The following XKRX variants were observed in gnomAD, a reference collection of about 807,000 sequenced individuals.
XKRX encodes XK related X-linked.
A neutral mutation model predicts 22.4 loss-of-function variants in XKRX; 11 were observed. The observed-to-expected ratio is 0.49, with a 90% CI of 0.31 to 0.81. The LOEUF (loss-of-function observed/expected upper bound fraction) is 0.81, where lower values mean the gene tolerates loss of function less well. Among genes scored for constraint, XKRX ranks in the 40% least tolerant of loss-of-function variants. XKRX has a pLI of 0.05. For missense variants in XKRX, 320 were observed against 336.5 expected, an observed-to-expected ratio of 0.95 and a Z score of 0.38; for synonymous variants, 114 against 132.2, an observed-to-expected ratio of 0.86 and a Z score of 0.94.
the XKRX span, chrX:100,957,071 T>A: frequency 2.6e-6 from 3 of 1,143,946 alleles, no homozygotes; most frequent in Non-Finnish European, 3.6e-6. Flanking sequence ...CTGAGCCTGG[T>A]AAGAAGGTGT....
chrX:100,888,919 G>C, the XKRX span, among the ~76,000 whole-genome samples: 1 of 110,787 alleles, frequency 9.0e-6, no homozygotes, highest in South Asian at 3.9e-4. Flanking sequence ...ATAACCTCTA[G>C]TGCCCTAGAA....
Position 100,917,722 on chromosome X carries a change from G to GAAAGAAAGAAAGAAAGAAAGAAATAAAT in XKRX, c.605-2640_605-2639insATTTATTTCTTTCTTTCTTTCTTTCTTT, listed in dbSNP as rs772047288. Among the ~76,000 whole-genome samples, 38 of 75,013 alleles carry GAAAGAAAGAAAGAAAGAAAGAAATAAAT rather than the reference G, an allele frequency of 5.1e-4. 1 individual carries two copies. Among genetic ancestry groups the GAAAGAAAGAAAGAAAGAAAGAAATAAAT allele is most frequent in the Admixed American group, 1.1e-3 (7 of 6,207 alleles). The allele number at this position is 75,013 out of a possible 115,157, so 65.1% of individuals were successfully genotyped here. A position where few individuals can be genotyped will look rare whatever the true frequency, so the allele number is the denominator to read the frequency against. On this transcript the variant is annotated intron_variant, in intron 2 of 2. Transcript: ENST00000372956. Reference sequence around the variant, plus strand: ...AGAAAGAAAGAAAGAAAGAAAGAAAGAAATCCTTGGTTCAGCTGTATGGGA... The same window carrying GAAAGAAAGAAAGAAAGAAAGAAATAAAT: ...AGAAAGAAAGAAAGAAAGAAAGAAAGAAAGAAAGAAAGAAAGAAAGAAATAAATAAATCCTTGGTTCAGCTGTATGGGA...
chrX:100,916,108 C>CGT (rs1556191234), intron 2 of XKRX, among the ~76,000 whole-genome samples: 1 of 106,911 alleles, frequency 9.4e-6, no homozygotes, highest in Non-Finnish European at 1.9e-5. Context: ...CACACACACA[C>CGT]ACGTACAAAA....
rs913372552 is a variant in XKRX, at chrX:100,928,619, AG to A, written c.-316del. The A allele has an allele frequency of 4.6e-6, 4 of 868,960 alleles. No homozygotes were observed. The African/African-American group carries it at 8.5e-5, about 18-fold the overall frequency. The allele number at this position is 868,960 out of a possible 1,213,427, so 71.6% of individuals were successfully genotyped here. A position where few individuals can be genotyped will look rare whatever the true frequency, so the allele number is the denominator to read the frequency against. ...GCAAGCATCCCAGCGCCCCATCCAG[AG>A]TCCAACTCCAGGGACGTGAAGAGTC... is the stretch of plus-strand genomic sequence containing the variant. On this transcript the variant is annotated 5_prime_UTR_variant, in exon 1 of 3. The change abolishes the stop of an existing upstream ORF in the 5' untranslated region. Transcript: ENST00000372956.
At chrX:100,917,634 G>GAAGA (rs745405207) in intron 2 of XKRX, among the ~76,000 whole-genome samples, 1,174 of 48,995 alleles carry the variant, frequency 0.024, 53 homozygotes, top group East Asian at 0.078. Flanking sequence ...GAGAAAGAAA[G>GAAGA]AAGAAAGAAA....
the XKRX span, among the ~76,000 whole-genome samples, chrX:100,891,013 CCTTT>C: frequency 9.0e-6 from 1 of 111,713 alleles, no homozygotes; most frequent in Non-Finnish European, 1.9e-5. Context: ...AAAAATTAAA[CCTTT>C]ATTTTTATTC....
chrX:100,915,688 CTGTGTGTG>C (rs749763658), intron 2 of XKRX, among the ~76,000 whole-genome samples: 1 of 102,438 alleles, frequency 9.8e-6, no homozygotes, highest in South Asian at 4.5e-4. Flanking sequence ...GTGGGTGTGT[CTGTGTGTG>C]TGTGTGTGTG....
downstream of XKRX, chrX:100,910,877 G>A (rs2085404734): frequency 1.4e-6 from 1 of 701,713 alleles, no homozygotes; most frequent in Admixed American, 2.6e-5. Context: ...GTGCCATGCT[G>A]AGAAAATACA....
intron 1 of XKRX, among the ~76,000 whole-genome samples, 185 bp downstream of exon 1, chrX:100,927,785 G>A (rs961449982): frequency 1.8e-5 from 2 of 112,059 alleles, no homozygotes; most frequent in East Asian, 2.8e-4. Context: ...CATACCACAT[G>A]TTCATCATGG....
chrX:100,927,334 C>T (rs971045085), intron 1 of XKRX, among the ~76,000 whole-genome samples: 3 of 110,890 alleles, frequency 2.7e-5, no homozygotes, highest in Non-Finnish European at 5.7e-5. Context: ...TATGCGCCAC[C>T]ACACCCAGCT....
the XKRX span, among the ~76,000 whole-genome samples, chrX:100,947,617 A>G: frequency 8.9e-6 from 1 of 112,183 alleles, no homozygotes; most frequent in Non-Finnish European, 1.9e-5. Flanking sequence ...GGAAAACCCT[A>G]GCTCTCTGAG....
rs765784172 is a variant in XKRX at position 100,922,901 on chromosome X, T to C, written c.496A>G (p.Asn166Asp). 2.5e-6 allele frequency: 3 copies of C among 1,211,503 alleles called. No homozygotes were observed. Among genetic ancestry groups the C allele is most frequent in the East Asian group, 3.0e-5 (1 of 33,817 alleles). ...HSIRTLAMHR[N>D]AYKRMSQIQA... ...ATCTGTGACATACGTTTGTAGGCAT[T>C]GCGGTGCATAGCCAGGGTCCGGATG... The change falls in exon 2 of 3, where the codon AAT (asparagine) becomes GAT (aspartate). Residue 166 changes from asparagine (N) to aspartate (D), a missense_variant. Coordinates refer to ENST00000372956, the MANE Select transcript of XKRX (RefSeq NM_212559.3).
chrX:100,955,409 A>G, the XKRX span, among the ~76,000 whole-genome samples: 1 of 112,253 alleles, frequency 8.9e-6, no homozygotes, highest in Non-Finnish European at 1.9e-5. Context: ...TCAGTGGCTG[A>G]TGCCTGTACT....
rs771526109 is a variant in XKRX at position 100,914,542 on chromosome X, C to A, written c.1146G>T (p.Leu382Phe). 1.7e-6 allele frequency: 2 copies of A among 1,211,834 alleles called. No individual in the cohort carries two copies. Among genetic ancestry groups the A allele is most frequent in the Middle Eastern group, 2.3e-4 (1 of 4,354 alleles). The change falls in exon 3 of 3, where the codon TTG becomes TTT. Residue 382 changes from leucine (L) to phenylalanine (F), a missense_variant. Coordinates refer to ENST00000372956, the MANE Select transcript of XKRX (RefSeq NM_212559.3). Reference protein sequence around the residue: ...VKVLLNYCHSLIALQLIIAYL... With the variant: ...VKVLLNYCHSFIALQLIIAYL... ...AAGCAATAATGAGCTGCAAGGCAAT[C>A]AAGGAATGACAGTAATTCAGTAACA... is the stretch of plus-strand genomic sequence containing the variant.
chrX:100,927,474 T>C (rs1396900635), intron 1 of XKRX, among the ~76,000 whole-genome samples: 1 of 111,038 alleles, frequency 9.0e-6, no homozygotes, highest in Non-Finnish European at 1.9e-5. Flanking sequence ...ACCCGGCCTA[T>C]AAAAATTTTT....
downstream of XKRX, among the ~76,000 whole-genome samples, chrX:100,912,835 A>T (rs2085411319): frequency 8.9e-6 from 1 of 111,893 alleles, no homozygotes. Flanking sequence ...GGAGAAAAGG[A>T]GACATGCATT....
Position 100,914,863 on chromosome X carries a change from G to A in XKRX, c.825C>T (p.Leu275=). Residue 275 remains leucine (L), a synonymous_variant, in exon 3 of 3, where the codon CTC becomes CTT. Coordinates refer to ENST00000372956, the MANE Select transcript of XKRX (RefSeq NM_212559.3). ...GCTCAAAGAGGATGATCAGGAAGTTGAGCACTAGGAAGGGCACAGCCTTCA... is the reference window on the plus strand; with the variant it reads ...GCTCAAAGAGGATGATCAGGAAGTTAAGCACTAGGAAGGGCACAGCCTTCA... ...LKLKAVPFLV[L]NFLIILFEPW... is the part of the protein sequence containing the mutation. 8.3e-7 allele frequency: 1 copy of A among 1,211,796 alleles called. No individual in the cohort carries two copies. The highest frequency in any genetic ancestry group is 1.1e-6 in the Non-Finnish European group (1 of 895,580).
chrX:100,922,922 G>A lies in XKRX; in HGVS notation c.475C>T (p.Arg159Trp), dbSNP rs779822972. Residue 159 changes from arginine (R) to tryptophan (W), a missense_variant, in exon 2 of 3, where the codon CGG becomes TGG. Coordinates refer to ENST00000372956, the MANE Select transcript of XKRX (RefSeq NM_212559.3). ...LIEWEVGHSIRTLAMHRNAYK... is the reference protein window; with the variant it reads ...LIEWEVGHSIWTLAMHRNAYK... ...GCATTGCGGTGCATAGCCAGGGTCC[G>A]GATGGAGTGGCCCACCTCCCATTCT... The A allele has an allele frequency of 3.2e-5, 39 of 1,209,403 alleles. 1 individual carries two copies. The East Asian group carries it at 6.2e-4, about 19-fold the overall frequency.
chrX:100,917,833 T>C (rs927307025), intron 2 of XKRX, among the ~76,000 whole-genome samples: 3 of 107,795 alleles, frequency 2.8e-5, no homozygotes, highest in Non-Finnish European at 5.7e-5. Context: ...TCATCAGCAA[T>C]GTCAATTCAT....
Sources: gnomAD v4.1 joint callset for allele counts (sites outside exome capture counted in the v4.1 genomes callset) on GRCh38, gnomAD v4.1.1 for gene constraint, MANE v1.5 for transcripts, NCBI Gene and HGNC (gene_info 2026-07-23, HGNC 2026-07-21) for gene names.